The following CSMD1 variants were observed in gnomAD, a reference collection of about 807,000 sequenced individuals.
CSMD1 encodes CUB and sushi domain-containing protein 1.
CSMD1 carries 213 observed loss-of-function variants against 417.5 expected under a neutral mutation model. The observed-to-expected ratio is 0.51, with a 90% CI of 0.46 to 0.57. The LOEUF (loss-of-function observed/expected upper bound fraction) is 0.57. Among genes scored for constraint, CSMD1 ranks in the 20% least tolerant of loss-of-function variants. The pLI is 0.00. For synonymous variants in CSMD1, 2,862 were observed against 1,736.8 expected (o/e 1.65, Z -16.11); for missense variants, 6,923 against 4,529.7 (o/e 1.53, Z -15.17).
chr8:3,603,020 C>T (rs1453302310), intron 8 of CSMD1, among the ~76,000 whole-genome samples: 1 of 152,158 alleles, frequency 6.6e-6, no homozygotes, highest in Non-Finnish European at 1.5e-5. Context: ...GGATATTCCA[C>T]CAGCCCTATT....
intron 2 of CSMD1, among the ~76,000 whole-genome samples, chr8:4,451,163 A>T (rs1799121257): frequency 6.8e-6 from 1 of 146,544 alleles, no homozygotes; most frequent in Non-Finnish European, 1.5e-5. Flanking sequence ...CCCTGTCTCT[A>T]TCAAAATAAT....
chr8:4,506,504 G>T (rs2130314643), intron 2 of CSMD1, among the ~76,000 whole-genome samples: 1 of 152,268 alleles, frequency 6.6e-6, no homozygotes, highest in East Asian at 1.9e-4. Flanking sequence ...AACAATGGCG[G>T]ATGGCAGGAG....
intron 5 of CSMD1, among the ~76,000 whole-genome samples, chr8:3,939,493 A>T (rs1250124184): frequency 1.3e-5 from 2 of 152,178 alleles, no homozygotes; most frequent in Non-Finnish European, 2.9e-5. Flanking sequence ...CATGTGATTC[A>T]GCAATCCCAG....
At chr8:3,666,969 T>A (rs145099859) in intron 7 of CSMD1, among the ~76,000 whole-genome samples, 60 of 152,286 alleles carry the variant, frequency 3.9e-4, no homozygotes, top group African/African-American at 1.4e-3. Context: ...GCAGTCTAAT[T>A]GTAAGAGCTC....
At chr8:4,220,297 T>C (rs534795041) in intron 3 of CSMD1, among the ~76,000 whole-genome samples, 2 of 152,194 alleles carry the variant, frequency 1.3e-5, no homozygotes, top group South Asian at 4.2e-4. Flanking sequence ...CCTGACAAGG[T>C]TATTTGACTG....
intron 3 of CSMD1, among the ~76,000 whole-genome samples, chr8:4,400,372 C>A (rs763102434): frequency 3.3e-5 from 5 of 152,310 alleles, no homozygotes; most frequent in South Asian, 2.1e-4. Flanking sequence ...AAATGCTTTT[C>A]ATTTATATAT....
At chr8:4,096,575 G>A (rs1269663578) in intron 3 of CSMD1, among the ~76,000 whole-genome samples, 1 of 152,082 alleles carries the variant, frequency 6.6e-6, no homozygotes. Context: ...CGCCACTAAG[G>A]ATACCTTTTC....
intron 52 of CSMD1, among the ~76,000 whole-genome samples, chr8:3,003,455 T>C (rs970750408): frequency 6.6e-5 from 10 of 152,186 alleles, no homozygotes; most frequent in African/African-American, 2.4e-4. Flanking sequence ...GTCTCTACCA[T>C]ATCAGTCACA....
intron 7 of CSMD1, among the ~76,000 whole-genome samples, chr8:3,686,592 G>C (rs560102350): frequency 1.8e-4 from 27 of 152,326 alleles, no homozygotes; most frequent in Non-Finnish European, 2.9e-4. Flanking sequence ...AAGGGAAGCA[G>C]TGTTCTTATC....
intron 5 of CSMD1, among the ~76,000 whole-genome samples, chr8:3,991,789 G>A (rs887824983): frequency 1.3e-5 from 2 of 152,106 alleles, no homozygotes; most frequent in African/African-American, 2.4e-5. Flanking sequence ...TATACCTTGG[G>A]ACTGTCTCTC....
intron 23 of CSMD1, among the ~76,000 whole-genome samples, chr8:3,317,204 C>G (rs1051109161): frequency 2.0e-5 from 3 of 152,042 alleles, no homozygotes; most frequent in African/African-American, 7.2e-5. Flanking sequence ...TAGCAGATCC[C>G]CTGTATTAAC....
At chr8:4,578,331 C>CTTTTTTTTT (rs1799238185) in intron 2 of CSMD1, among the ~76,000 whole-genome samples, 1 of 54,354 alleles carries the variant, frequency 1.8e-5, no homozygotes, top group Admixed American at 2.3e-4. Context: ...ACACCCGGCT[C>CTTTTTTTTT]ATTTTTTTTT....
Position 4,274,399 on chromosome 8 carries a change from C to G in CSMD1, c.415+145554G>C, listed in dbSNP as rs141275143. ...AAATTAAGATTTTAAACACTATCAA[C>G]GTGCTCAAAATGTCTCTGGTGCCCA... On this transcript the variant is annotated intron_variant, in intron 3 of 69. Coordinates refer to ENST00000635120, the MANE Select transcript of CSMD1 (RefSeq NM_033225.6). Among the ~76,000 whole-genome samples the G allele has an allele frequency of 3.9e-5, 6 of 152,208 alleles. No homozygotes were observed. In the East Asian group the frequency reaches 1.2e-3, roughly 29 times the overall value.
chr8:4,187,904 T>C (rs1419507952), intron 3 of CSMD1, among the ~76,000 whole-genome samples: 5 of 152,238 alleles, frequency 3.3e-5, no homozygotes, highest in South Asian at 2.1e-4. Context: ...CATGATATCA[T>C]GCATTTGTTG....
chr8:3,614,987 A>G (rs1358844876), intron 8 of CSMD1, among the ~76,000 whole-genome samples: 1 of 152,224 alleles, frequency 6.6e-6, no homozygotes, highest in Non-Finnish European at 1.5e-5. Flanking sequence ...GAAGGAATAC[A>G]TAGAATGGGG....
At chr8:3,915,231 C>G (rs905526424) in intron 5 of CSMD1, among the ~76,000 whole-genome samples, 5 of 151,890 alleles carry the variant, frequency 3.3e-5, no homozygotes, top group South Asian at 2.1e-4. Context: ...CATCACGAAA[C>G]TCTGCCTCTA....
At chr8:4,037,960 T>C (rs1797703309) in intron 3 of CSMD1, among the ~76,000 whole-genome samples, 1 of 152,190 alleles carries the variant, frequency 6.6e-6, no homozygotes, top group Non-Finnish European at 1.5e-5. Flanking sequence ...CAAAATGTTA[T>C]TTTAGAAACA....
intron 2 of CSMD1, among the ~76,000 whole-genome samples, chr8:4,462,493 A>G (rs1799894786): frequency 6.6e-6 from 1 of 152,154 alleles, no homozygotes; most frequent in African/African-American, 2.4e-5. Flanking sequence ...TAACAAGCTG[A>G]TCCTAAAATG....
intron 2 of CSMD1, among the ~76,000 whole-genome samples, chr8:4,512,635 A>G (rs991420633): frequency 2.0e-4 from 30 of 152,292 alleles, no homozygotes; most frequent in African/African-American, 5.1e-4. Context: ...TTGCTTTTTT[A>G]TATACCGGCA....
Sources: gnomAD v4.1 joint callset for allele counts (sites outside exome capture counted in the v4.1 genomes callset) on GRCh38, gnomAD v4.1.1 for gene constraint, MANE v1.5 for transcripts, NCBI Gene and HGNC (gene_info 2026-07-23, HGNC 2026-07-21) for gene names.